Variants in FHAD1 observed in about 807,000 individuals in gnomAD.
FHAD1 encodes forkhead associated phosphopeptide binding domain 1, also known as forkhead-associated domain-containing protein 1.
Under a neutral mutation model 191.3 loss-of-function variants are expected in FHAD1, and 146 were observed. The ratio of observed to expected loss-of-function variants is 0.76; its 90% CI spans 0.67 to 0.88. FHAD1 has a LOEUF of 0.88. FHAD1 is among the 40% of genes least tolerant of loss of function. The pLI is 0.00. For missense variants in FHAD1, 1,635 were observed against 1,785.8 expected, an observed-to-expected ratio of 0.92 and a Z score of 1.52; for synonymous variants, 616 against 672.3, an observed-to-expected ratio of 0.92 and a Z score of 1.29.
At chr1:15,270,648 T>G (rs989089203) in intron 2 of FHAD1, among the ~76,000 whole-genome samples, 7 of 152,192 alleles carry the variant, frequency 4.6e-5, no homozygotes, top group African/African-American at 1.7e-4. Context: ...GCAAGTACTT[T>G]TATATAAAAG....
At chr1:15,397,083 C>G (rs528536635) in intron 33 of FHAD1, among the ~76,000 whole-genome samples, 74 of 147,270 alleles carry the variant, frequency 5.0e-4, no homozygotes, top group South Asian at 1.1e-3. Flanking sequence ...CCCAGCTACT[C>G]GGGAGGCTGA....
At chr1:15,260,696 A>G (rs1650620055) in intron 2 of FHAD1, among the ~76,000 whole-genome samples, 1 of 152,158 alleles carries the variant, frequency 6.6e-6, no homozygotes, top group Non-Finnish European at 1.5e-5. Flanking sequence ...AACCAGCAAC[A>G]ATGGTTCTAG....
intron 33 of FHAD1, among the ~76,000 whole-genome samples, chr1:15,395,445 T>A (rs1015218764): frequency 7.9e-5 from 12 of 152,016 alleles, no homozygotes; most frequent in African/African-American, 2.9e-4. Context: ...TGATTTCTTC[T>A]CTCTCCAGTG....
chr1:15,336,469 C>T (rs114469187), intron 14 of FHAD1, among the ~76,000 whole-genome samples: 2 of 152,092 alleles, frequency 1.3e-5, no homozygotes, highest in African/African-American at 4.8e-5. Flanking sequence ...ACATGCAGCA[C>T]GTACCCTGCC....
intron 5 of FHAD1, among the ~76,000 whole-genome samples, chr1:15,300,184 C>T (rs1668295350): frequency 6.6e-6 from 1 of 152,242 alleles, no homozygotes; most frequent in African/African-American, 2.4e-5. Flanking sequence ...GGGATTTTTT[C>T]CCCCTTTTTT....
chr1:15,355,208 CAAA>C (rs58614945), intron 20 of FHAD1, among the ~76,000 whole-genome samples: 1 of 100,626 alleles, frequency 9.9e-6, no homozygotes. Flanking sequence ...GACTCCTTCT[CAAA>C]AAAAAAAAAA....
At chr1:15,353,853 T>A (rs1253313548) in intron 20 of FHAD1, among the ~76,000 whole-genome samples, 1 of 152,046 alleles carries the variant, frequency 6.6e-6, no homozygotes, top group Non-Finnish European at 1.5e-5. Flanking sequence ...AAAATGCATT[T>A]ACTGTTATCA....
intron 4 of FHAD1, among the ~76,000 whole-genome samples, chr1:15,292,535 A>G (rs1406358925): frequency 6.6e-6 from 1 of 152,082 alleles, no homozygotes; most frequent in African/African-American, 2.4e-5. Context: ...AGTTTTCACC[A>G]TGTTAGCCAG....
At position 15,336,513 on chromosome 1, in the gene FHAD1, T is replaced by C. The variant is rs1023482980; in HGVS notation, c.1907-2968T>C. On this transcript the variant is annotated intron_variant, in intron 14 of 33. Coordinates refer to ENST00000688493, the MANE Select transcript of FHAD1 (RefSeq NM_001391957.1). ...CCTTTCCTCTCCTTCCCAGGGACCT[T>C]GTGCACAAATTCTTCTTTCTTTGGC... Among the ~76,000 whole-genome samples the C allele has an allele frequency of 2.6e-5, 4 of 152,102 alleles. No individual in the cohort carries two copies. The East Asian group carries it at 7.7e-4, about 29-fold the overall frequency.
At chr1:15,307,521 C>G (rs1670877939) in intron 6 of FHAD1, among the ~76,000 whole-genome samples, 1 of 152,134 alleles carries the variant, frequency 6.6e-6, no homozygotes, top group Admixed American at 6.5e-5. Flanking sequence ...CCCAGAGTTC[C>G]CACACATTGT....
downstream of FHAD1, among the ~76,000 whole-genome samples, chr1:15,401,077 C>A (rs1570746476): frequency 6.6e-6 from 1 of 152,184 alleles, no homozygotes; most frequent in Non-Finnish European, 1.5e-5. Flanking sequence ...CCAGTACCTG[C>A]CCTTGGGTTC....
Position 15,318,413 on chromosome 1 carries a change from C to A in FHAD1, c.1365+485C>A, listed in dbSNP as rs1675188482. Reference sequence around the variant, plus strand: ...TTTTGGGAGGCTGAGGCAGATGGATCACCTGAGGTCAGGAGTTCGAGACCA... The same window carrying A: ...TTTTGGGAGGCTGAGGCAGATGGATAACCTGAGGTCAGGAGTTCGAGACCA... On this transcript the variant is annotated intron_variant, in intron 10 of 33. Transcript: ENST00000688493. The surrounding 1 kb of genome is among the most constrained non-coding windows in gnomAD (Gnocchi z 4.1). 6.6e-6 allele frequency among the ~76,000 whole-genome samples: 1 copy of A among 152,182 alleles called. No homozygotes were observed. Among genetic ancestry groups the A allele is most frequent in the Non-Finnish European group, 1.5e-5 (1 of 68,018 alleles).
At chr1:15,313,294 T>A in intron 8 of FHAD1, 107 bp downstream of exon 8, 1 of 826,442 alleles carries the variant, frequency 1.2e-6, no homozygotes, top group Non-Finnish European at 1.6e-6. Context: ...AGTTTAAATT[T>A]CATTCCTTCC....
chr1:15,275,835 G>A lies in FHAD1; in HGVS notation c.300+3306G>A, dbSNP rs368466114. Reference sequence around the variant, plus strand: ...AGAGAGGGGGCTGTGTCTTCCCCGCGGTAGAGTTTTCAAGGATTGTTTCCT... The same window carrying A: ...AGAGAGGGGGCTGTGTCTTCCCCGCAGTAGAGTTTTCAAGGATTGTTTCCT... On this transcript the variant is annotated intron_variant, in intron 3 of 33. Transcript: ENST00000688493. 7.9e-5 allele frequency among the ~76,000 whole-genome samples: 12 copies of A among 152,114 alleles called. No individual in the cohort carries two copies. In the South Asian group the frequency reaches 1.0e-3, roughly 13 times the overall value.
intron 31 of FHAD1, among the ~76,000 whole-genome samples, chr1:15,387,718 T>A (rs1702488204): frequency 6.6e-6 from 1 of 151,910 alleles, no homozygotes; most frequent in Non-Finnish European, 1.5e-5. Context: ...AACCCGTCTC[T>A]ACTAAAAATT....
chr1:15,322,198 G>C lies in FHAD1; in HGVS notation c.1366-2254G>C, dbSNP rs35166363. On this transcript the variant is annotated intron_variant, in intron 10 of 33. Coordinates refer to ENST00000688493, the MANE Select transcript of FHAD1 (RefSeq NM_001391957.1). ...TTTCATTAGTTTTGGAGTGTGGGCT[G>C]TGTACTACCTAGGCAGTGGGGAGCT... Among the ~76,000 whole-genome samples the C allele has an allele frequency of 9.6e-3, 1,455 of 152,266 alleles. 9 individuals carry two copies. The highest frequency in any genetic ancestry group is 0.015 in the African/African-American group (634 of 41,538).
At chr1:15,376,082 TTTA>T (rs1699551721) in intron 28 of FHAD1, among the ~76,000 whole-genome samples, 10 of 69,520 alleles carry the variant, frequency 1.4e-4, no homozygotes, top group African/African-American at 5.6e-4. Context: ...TATTTATTTT[TTTA>T]TTTATTTTTT....
At chr1:15,384,111 C>T (rs1475128369) in intron 31 of FHAD1, 2 of 180,232 alleles carry the variant, frequency 1.1e-5, no homozygotes, top group Non-Finnish European at 2.4e-5. Flanking sequence ...GAGCCAAACC[C>T]CCAGAGAAGG....
rs909887600 is a variant in FHAD1 at position 15,286,326 on chromosome 1, A to G, written c.301-3073A>G. Among the ~76,000 whole-genome samples, 24 of 151,988 alleles carry G rather than the reference A, an allele frequency of 1.6e-4. 1 individual carries two copies. Among genetic ancestry groups the G allele is most frequent in the African/African-American group, 5.8e-4 (24 of 41,356 alleles). On this transcript the variant is annotated intron_variant, in intron 3 of 33. Coordinates refer to ENST00000688493, the MANE Select transcript of FHAD1 (RefSeq NM_001391957.1). Reference sequence around the variant, plus strand: ...GTGACTAGCCTGCACAACATGGCAAAACCCCATTTCTACAAAAAATACAAA... The same window carrying G: ...GTGACTAGCCTGCACAACATGGCAAGACCCCATTTCTACAAAAAATACAAA...
Sources: gnomAD v4.1 joint callset for allele counts (sites outside exome capture counted in the v4.1 genomes callset) on GRCh38, gnomAD v4.1.1 for gene constraint, Gnocchi (gnomAD v3.1) non-coding constraint, MANE v1.5 for transcripts, NCBI Gene and HGNC (gene_info 2026-07-23, HGNC 2026-07-21) for gene names.